CELF1: variants seen among roughly 807,000 people sequenced by gnomAD.
The protein encoded by CELF1 is 50 kDa nuclear polyadenylated RNA-binding protein.
A neutral mutation model predicts 61.8 loss-of-function variants in CELF1; 10 were observed. That is an observed-to-expected ratio of 0.16 (90% CI 0.10 to 0.27). The LOEUF is 0.27. Ranked by LOEUF, CELF1 falls within the 10% of genes least tolerant of loss-of-function variation. The probability of loss-of-function intolerance (pLI) is 1.00; values close to 1 mark genes in which losing one functional copy is unlikely to be tolerated. For synonymous variants in CELF1, 236 were observed against 225.1 expected, an observed-to-expected ratio of 1.05 and a Z score of -0.43; for missense variants, 380 against 639.1, an observed-to-expected ratio of 0.59 and a Z score of 4.37.
intron 1 of CELF1, among the ~76,000 whole-genome samples, chr11:47,534,020 TCC>T (rs1445168062): frequency 8.3e-6 from 1 of 120,776 alleles, no homozygotes. Flanking sequence ...ATTTTTTCTT[TCC>T]TTTTTTTTTT....
At chr11:47,527,091 C>CTCCT (rs1355213140) in intron 1 of CELF1, among the ~76,000 whole-genome samples, 1 of 150,708 alleles carries the variant, frequency 6.6e-6, no homozygotes, top group Non-Finnish European at 1.5e-5. Context: ...CACTGCCTAG[C>CTCCT]TCCTATCCAT....
intron 3 of CELF1, among the ~76,000 whole-genome samples, chr11:47,497,782 C>T (rs1364039194): frequency 6.6e-6 from 1 of 152,074 alleles, no homozygotes; most frequent in Admixed American, 6.6e-5. Flanking sequence ...TTTTTAAGTT[C>T]CAGGTGACTT....
intron 3 of CELF1, 148 bp from the exon 4 acceptor site, chr11:47,489,172 T>A: frequency 4.5e-6 from 3 of 670,254 alleles, no homozygotes; most frequent in Non-Finnish European, 6.9e-6. Context: ...TTACCAGAGT[T>A]CCCTGGTTCT....
At chr11:47,564,853 T>A (rs944940409) in intron 1 of CELF1, among the ~76,000 whole-genome samples, 2 of 152,214 alleles carry the variant, frequency 1.3e-5, no homozygotes, top group African/African-American at 2.4e-5. Flanking sequence ...TTTTTGTAGG[T>A]TGCAGGTTTT....
chr11:47,474,835 G>T (rs551804468), intron 13 of CELF1, among the ~76,000 whole-genome samples: 1 of 152,268 alleles, frequency 6.6e-6, no homozygotes, highest in South Asian at 2.1e-4. Context: ...AATACCATTT[G>T]TGTCAAACGA....
chr11:47,560,594 T>A (rs2097222080), intron 2 of CELF1, among the ~76,000 whole-genome samples: 1 of 152,032 alleles, frequency 6.6e-6, no homozygotes, highest in Non-Finnish European at 1.5e-5. Context: ...GGGGAGTGAT[T>A]GCTAATGGGT....
Position 47,499,519 on chromosome 11 carries a change from G to A in CELF1, c.5C>T (p.Ala2Val). Residue 2 changes from alanine (A) to valine (V), a missense_variant, in exon 3 of 15, where the codon GCT (alanine) becomes GTT (valine). Ala to Val is a moderately conservative substitution (Grantham distance 64). Coordinates refer to ENST00000687097, the MANE Select transcript of CELF1 (RefSeq NM_001376376.1). Reference sequence around the variant, plus strand: ...TGGAAGGAAATCCAACTTAAACGCAGCCATCACCTCACTCTCCCCTTCAGA... The same window carrying A: ...TGGAAGGAAATCCAACTTAAACGCAACCATCACCTCACTCTCCCCTTCAGA... MAAFKLDFLPEM... is the reference protein window; with the variant it reads MVAFKLDFLPEM... 1 of 1,535,558 alleles carries A rather than the reference G, an allele frequency of 6.5e-7. No individual in the cohort carries two copies. The highest frequency in any genetic ancestry group is 8.7e-7 in the Non-Finnish European group (1 of 1,146,462).
intron 1 of CELF1, among the ~76,000 whole-genome samples, chr11:47,504,002 T>C (rs1044963210): frequency 7.2e-5 from 11 of 151,910 alleles, no homozygotes; most frequent in African/African-American, 2.7e-4. Context: ...AAGAGAGACC[T>C]ATCTCTACAA....
At chr11:47,536,895 G>A (rs1349207025) in intron 1 of CELF1, among the ~76,000 whole-genome samples, 1 of 152,180 alleles carries the variant, frequency 6.6e-6, no homozygotes, top group South Asian at 2.1e-4. Context: ...CAGCTTGAAA[G>A]GGGAAGTAGG....
At chr11:47,498,877 G>A (rs2093541136) in intron 3 of CELF1, among the ~76,000 whole-genome samples, 1 of 151,352 alleles carries the variant, frequency 6.6e-6, no homozygotes, top group Non-Finnish European at 1.5e-5. Flanking sequence ...GAGGGTAAAG[G>A]ACAATTTGAT....
At chr11:47,473,818 T>C (rs1349181842) in intron 13 of CELF1, among the ~76,000 whole-genome samples, 1 of 152,184 alleles carries the variant, frequency 6.6e-6, no homozygotes, top group East Asian at 1.9e-4. Flanking sequence ...AAGAAATTAG[T>C]TTTAAAAATG....
chr11:47,482,819 G>T lies in CELF1; in HGVS notation c.644C>A (p.Thr215Lys), dbSNP rs1293522826. The change falls in exon 9 of 15, where the codon ACA becomes AAA. Residue 215 changes from threonine (T) to lysine (K), a missense_variant. Transcript: ENST00000687097. Reference sequence around the variant, plus strand: ...TCTCTTCTGTTCTTTGTCCTTCTGTGTATCAGCAAATTTTACCACCATGGG... The same window carrying T: ...TCTCTTCTGTTCTTTGTCCTTCTGTTTATCAGCAAATTTTACCACCATGGG... ...SSPMVVKFAD[T>K]QKDKEQKRMA... 6.2e-7 allele frequency: 1 copy of T among 1,614,070 alleles called. No individual in the cohort carries two copies. The highest frequency in any genetic ancestry group is 8.5e-7 in the Non-Finnish European group (1 of 1,179,998).
chr11:47,490,039 A>G (rs1486045994), intron 3 of CELF1, among the ~76,000 whole-genome samples: 21 of 146,144 alleles, frequency 1.4e-4, no homozygotes, highest in Non-Finnish European at 1.5e-5. Context: ...CCCAGGTTCA[A>G]GAGATTCTCC....
intron 3 of CELF1, among the ~76,000 whole-genome samples, chr11:47,491,745 A>C (rs752040641): frequency 3.3e-5 from 5 of 152,212 alleles, no homozygotes; most frequent in Admixed American, 6.5e-5. Flanking sequence ...AATTAAACTG[A>C]CAGCTCCTTG....
chr11:47,542,657 C>T (rs1398617337), intron 1 of CELF1, among the ~76,000 whole-genome samples: 2 of 152,210 alleles, frequency 1.3e-5, no homozygotes, highest in South Asian at 4.1e-4. Context: ...ACCACCACAT[C>T]TGGCTAAGTC....
chr11:47,558,548 T>TTATATATATTTATATATAATATATAAATA (rs1555194391), intron 2 of CELF1, among the ~76,000 whole-genome samples: 1 of 105,096 alleles, frequency 9.5e-6, no homozygotes, highest in African/African-American at 4.5e-5. Context: ...TATATTTATA[T>TTATATATATTTATATATAATATATAAATA]TATATATATT....
At chr11:47,533,827 A>AAG (rs2096556255) in intron 1 of CELF1, among the ~76,000 whole-genome samples, 2 of 150,452 alleles carry the variant, frequency 1.3e-5, no homozygotes, top group South Asian at 4.2e-4. Flanking sequence ...AAAAAAAAAA[A>AAG]AAAAGGAATA....
chr11:47,520,264 T>C (rs909921089), intron 1 of CELF1, among the ~76,000 whole-genome samples: 7 of 152,256 alleles, frequency 4.6e-5, no homozygotes, highest in African/African-American at 1.7e-4. Context: ...CTTATTTCCC[T>C]GTCTAAATCA....
Position 47,553,045 on chromosome 11 carries a change from G to A in CELF1, c.-207C>T. The A allele has an allele frequency of 2.5e-6, 1 of 396,810 alleles. No individual in the cohort carries two copies. The highest frequency in any genetic ancestry group is 4.4e-6 in the Non-Finnish European group (1 of 226,236). 24.6% of individuals were successfully genotyped at this position (396,810 alleles called of 1,614,324 possible). ...CTCAGTTGCTGCCTGCGCCTCCGCA[G>A]CCGCCGCCGCCGCCTCGCTGCTGAG... On this transcript the variant is annotated 5_prime_UTR_variant, in exon 1 of 15. Coordinates refer to ENST00000687097, the MANE Select transcript of CELF1 (RefSeq NM_001376376.1).
Sources: allele counts gnomAD v4.1 joint callset (sites outside exome capture counted in the v4.1 genomes callset), GRCh38; gene constraint gnomAD v4.1.1; transcripts MANE v1.5; gene names NCBI Gene and HGNC (gene_info 2026-07-23, HGNC 2026-07-21).